KATNAL2: variants seen among roughly 807,000 people sequenced by gnomAD.
KATNAL2 encodes katanin catalytic subunit A1 like 2, also known as katanin p60 ATPase-containing subunit A-like 2.
KATNAL2 carries 52 observed loss-of-function variants against 76.3 expected under a neutral mutation model. The observed-to-expected ratio is 0.68, with a 90% CI of 0.55 to 0.86. The LOEUF is 0.86. KATNAL2 is among the 40% of genes least tolerant of loss of function. The pLI is 0.00. For missense variants in KATNAL2, 660 were observed against 668.9 expected, an observed-to-expected ratio of 0.99 and a Z score of 0.15; for synonymous variants, 243 against 244.2, an observed-to-expected ratio of 1.00 and a Z score of 0.05.
At chr18:46,965,581 G>GCCGC (rs2060096610) in intron 3 of KATNAL2, among the ~76,000 whole-genome samples, 1 of 73,910 alleles carries the variant, frequency 1.4e-5, no homozygotes, top group Non-Finnish European at 2.9e-5. Context: ...TAGCATCCCC[G>GCCGC]CCCCCCCCCC....
intron 17 of KATNAL2, 119 bp downstream of exon 17, chr18:47,100,475 G>T: frequency 1.3e-6 from 1 of 762,708 alleles, no homozygotes; most frequent in Non-Finnish European, 2.1e-6. Flanking sequence ...GCGTTTTTTG[G>T]TCAAATCATC....
intron 3 of KATNAL2, chr18:47,034,374 C>G: frequency 6.2e-7 from 1 of 1,614,056 alleles, no homozygotes; most frequent in Middle Eastern, 1.6e-4. Context: ...GAGCCTCCTC[C>G]AAGGCAGGGA....
Position 46,946,462 on chromosome 18 carries a change from C to A in KATNAL2, c.-104C>A. On this transcript the variant is annotated 5_prime_UTR_variant, in exon 2 of 18. Coordinates refer to ENST00000683218, the MANE Select transcript of KATNAL2 (RefSeq NM_001387690.1). ...TTACCCTAATCCAGGGAGGAGAAGA[C>A]GGGACGTCAAAATATAGTCTTGGGT... 1 of 985,398 alleles carries A rather than the reference C, an allele frequency of 1.0e-6. No homozygotes were observed. The highest frequency in any genetic ancestry group is 5.2e-4 in the Middle Eastern group (1 of 1,914). The allele number at this position is 985,398 out of a possible 1,614,324, so 61.0% of individuals were successfully genotyped here.
Position 47,046,484 on chromosome 18 carries a change from A to G in KATNAL2, c.79A>G (p.Lys27Glu). 1 of 1,536,078 alleles carries G rather than the reference A, an allele frequency of 6.5e-7. No individual in the cohort carries two copies. The highest frequency in any genetic ancestry group is 8.7e-7 in the Non-Finnish European group (1 of 1,146,846). ...CGAGATGAGGACAGAAGCACGACGA[A>G]AAAATCTTCTCATTTTGATTTCGCA... ...ACEMRTEARR[K>E]NLLILISHYL... The change falls in exon 4 of 18, where the codon AAA becomes GAA. Residue 27 changes from lysine (K) to glutamate (E), a missense_variant. Coordinates refer to ENST00000683218, the MANE Select transcript of KATNAL2 (RefSeq NM_001387690.1).
Position 47,063,052 on chromosome 18 carries a change from C to T in KATNAL2, c.630C>T (p.Asp210=). The T allele has an allele frequency of 6.2e-7, 1 of 1,613,960 alleles. No individual in the cohort carries two copies. Among genetic ancestry groups the T allele is most frequent in the Non-Finnish European group, 8.5e-7 (1 of 1,179,846 alleles). Residue 210 remains aspartate (D), a synonymous_variant, in exon 9 of 18, where the codon GAC becomes GAT. Coordinates refer to ENST00000683218, the MANE Select transcript of KATNAL2 (RefSeq NM_001387690.1). ...ATSELALNTF[D]HNPDPSERLL... ...GTGAACTTGCCTTGAACACCTTCGA[C>T]CATAATCCAGACCCCTCAGTAAGTG...
At chr18:46,959,261 G>T (rs1372686075) in intron 3 of KATNAL2, among the ~76,000 whole-genome samples, 1 of 152,086 alleles carries the variant, frequency 6.6e-6, no homozygotes, top group East Asian at 1.9e-4. Context: ...TAACTCTTAC[G>T]TTTTAAGTGC....
chr18:47,055,570 G>C (rs567707548), intron 6 of KATNAL2, among the ~76,000 whole-genome samples: 1 of 152,256 alleles, frequency 6.6e-6, no homozygotes, highest in Non-Finnish European at 1.5e-5. Flanking sequence ...CTTGGCCTCG[G>C]GCTACCTTTG....
At chr18:47,057,055 A>G (rs1412091451) in intron 6 of KATNAL2, among the ~76,000 whole-genome samples, 3 of 152,128 alleles carry the variant, frequency 2.0e-5, no homozygotes, top group Non-Finnish European at 4.4e-5. Flanking sequence ...CAGTGAGACC[A>G]ACACTCACAG....
intron 4 of KATNAL2, 75 bp downstream of exon 4, chr18:47,046,602 AAATAC>A: frequency 9.6e-7 from 1 of 1,036,302 alleles, no homozygotes; most frequent in Non-Finnish European, 1.4e-6. Flanking sequence ...GCGTACTTTT[AAATAC>A]AATAGACTTT....
At chr18:46,939,257 C>T (rs111769745) in intron 1 of KATNAL2, among the ~76,000 whole-genome samples, 11,658 of 151,638 alleles carry the variant, frequency 0.077, 483 homozygotes, top group African/African-American at 0.1. Context: ...TTGTTGAACC[C>T]GGGAGGCGGA....
At chr18:47,096,333 T>C (rs11663321) in intron 15 of KATNAL2, among the ~76,000 whole-genome samples, 62,212 of 152,074 alleles carry the variant, frequency 0.41, 13,070 homozygotes, top group Middle Eastern at 0.56. Flanking sequence ...TGTTACTCTT[T>C]TTTAAAAAAT....
chr18:47,097,278 T>A (rs1017260876), intron 15 of KATNAL2, among the ~76,000 whole-genome samples: 1 of 152,198 alleles, frequency 6.6e-6, no homozygotes, highest in African/African-American at 2.4e-5. Flanking sequence ...TCCTATGGTG[T>A]CAAAGTATTG....
intron 13 of KATNAL2, among the ~76,000 whole-genome samples, chr18:47,070,363 C>T (rs535765291): frequency 1.3e-5 from 2 of 152,014 alleles, no homozygotes; most frequent in Non-Finnish European, 1.5e-5. Flanking sequence ...AGCCTTCCAA[C>T]GTGCTAGGAT....
chr18:47,046,562 C>G, intron 4 of KATNAL2, 35 bp downstream of exon 4: 1 of 1,346,830 alleles, frequency 7.4e-7, no homozygotes, highest in South Asian at 1.3e-5. Flanking sequence ...AGAGATGATT[C>G]CTCTTTCTCT....
At chr18:47,092,502 C>CA (rs147838660) in intron 15 of KATNAL2, among the ~76,000 whole-genome samples, 90 of 147,196 alleles carry the variant, frequency 6.1e-4, no homozygotes, top group African/African-American at 1.0e-3. Context: ...GACTCCGTCT[C>CA]AAAAAAAAAA....
At chr18:47,068,916 T>A (rs1599744702) in intron 11 of KATNAL2, among the ~76,000 whole-genome samples, 1 of 152,254 alleles carries the variant, frequency 6.6e-6, no homozygotes, top group Non-Finnish European at 1.5e-5. Flanking sequence ...AACGATGTTA[T>A]GCATGTAAGA....
chr18:46,922,495 A>T (rs2058598019), intron 1 of KATNAL2, among the ~76,000 whole-genome samples: 1 of 152,038 alleles, frequency 6.6e-6, no homozygotes, highest in Non-Finnish European at 1.5e-5. Flanking sequence ...CCAAATAATT[A>T]AAAAATAAAA....
chr18:47,085,770 TC>T (rs1211976399), intron 15 of KATNAL2, among the ~76,000 whole-genome samples: 1 of 151,676 alleles, frequency 6.6e-6, no homozygotes, highest in Admixed American at 6.6e-5. Context: ...TTTATTCAAC[TC>T]TTTTTTTATT....
chr18:47,033,072 A>T (rs758165309), intron 3 of KATNAL2: 1 of 1,614,140 alleles, frequency 6.2e-7, no homozygotes, highest in Admixed American at 1.7e-5. Context: ...CTTTCTTGGC[A>T]GCCTGTTTCC....
Sources: allele counts gnomAD v4.1 joint callset (sites outside exome capture counted in the v4.1 genomes callset), GRCh38; gene constraint gnomAD v4.1.1; transcripts MANE v1.5; gene names NCBI Gene and HGNC (gene_info 2026-07-23, HGNC 2026-07-21).